Variants in ACVR1 observed in about 807,000 individuals in gnomAD.
ACVR1 encodes the protein activin receptor type-1.
A neutral mutation model predicts 57.1 loss-of-function variants in ACVR1; 38 were observed. That is an observed-to-expected ratio of 0.67 (90% CI 0.51 to 0.87). ACVR1 has a LOEUF of 0.87. Ranked by LOEUF, ACVR1 falls within the 40% of genes least tolerant of loss-of-function variation. The pLI, the probability that ACVR1 is intolerant of heterozygous loss-of-function variation, is 0.00. For missense variants in ACVR1, 463 were observed against 638.2 expected (o/e 0.73, Z 2.96); for synonymous variants, 212 against 228.1 (o/e 0.93, Z 0.63).
At chr2:157,852,217 G>A (rs1689339261) in intron 1 of ACVR1, among the ~76,000 whole-genome samples, 1 of 151,952 alleles carries the variant, frequency 6.6e-6, no homozygotes, top group Admixed American at 6.6e-5. Flanking sequence ...TAAAGAATAG[G>A]CCAGGTGCAG....
At chr2:157,777,093 A>T (rs1191345309) in intron 5 of ACVR1, among the ~76,000 whole-genome samples, 1 of 152,210 alleles carries the variant, frequency 6.6e-6, no homozygotes, top group African/African-American at 2.4e-5. Context: ...GCACTTTATG[A>T]TAACCTTCTA....
chr2:157,752,832 A>G (rs1394491531), intron 9 of ACVR1, among the ~76,000 whole-genome samples: 4 of 152,240 alleles, frequency 2.6e-5, no homozygotes, highest in African/African-American at 9.6e-5. Context: ...AAACATATCA[A>G]AACGGAACCT....
chr2:157,784,808 C>T (rs1427510327), intron 3 of ACVR1, among the ~76,000 whole-genome samples: 1 of 152,252 alleles, frequency 6.6e-6, no homozygotes, highest in Admixed American at 6.5e-5. Flanking sequence ...CAGTTCACCA[C>T]CTGGGCACAC....
intron 1 of ACVR1, among the ~76,000 whole-genome samples, chr2:157,835,614 G>A (rs1688755713): frequency 6.6e-6 from 1 of 152,148 alleles, no homozygotes; most frequent in Non-Finnish European, 1.5e-5. Context: ...ACACATGGGA[G>A]AGTATTGTGC....
chr2:157,783,922 C>T (rs1686617727), intron 3 of ACVR1, among the ~76,000 whole-genome samples: 1 of 152,196 alleles, frequency 6.6e-6, no homozygotes. Context: ...CACAGGTGCA[C>T]ACACATGCAT....
intron 1 of ACVR1, among the ~76,000 whole-genome samples, chr2:157,836,192 A>G (rs538757857): frequency 3.3e-4 from 51 of 152,244 alleles, no homozygotes; most frequent in African/African-American, 1.2e-3. Flanking sequence ...TTTGCTGTGT[A>G]AATTAAAACT....
chr2:157,839,715 A>G (rs111829691), intron 1 of ACVR1, among the ~76,000 whole-genome samples: 51 of 152,180 alleles, frequency 3.4e-4, no homozygotes, highest in Non-Finnish European at 6.0e-4. Flanking sequence ...GGCATCAGGA[A>G]AATCACTGGC....
chr2:157,818,774 T>A (rs763742750), intron 1 of ACVR1, among the ~76,000 whole-genome samples: 65 of 152,208 alleles, frequency 4.3e-4, no homozygotes, highest in Non-Finnish European at 9.4e-4. Context: ...AATATTTTTC[T>A]AAACACAAAA....
chr2:157,770,986 TC>T (rs1378173374), intron 6 of ACVR1, among the ~76,000 whole-genome samples: 1 of 152,204 alleles, frequency 6.6e-6, no homozygotes, highest in Non-Finnish European at 1.5e-5. Context: ...ATAGGCACTG[TC>T]CAAATTGGTG....
chr2:157,799,324 AAG>A (rs1364677441), intron 3 of ACVR1, 101 bp downstream of exon 3: 2 of 756,808 alleles, frequency 2.6e-6, no homozygotes, highest in African/African-American at 3.5e-5. Flanking sequence ...TTATTATAAA[AAG>A]AGTGTTTTAA....
At chr2:157,845,051 G>GAA (rs778522944) in intron 1 of ACVR1, among the ~76,000 whole-genome samples, 4 of 152,170 alleles carry the variant, frequency 2.6e-5, no homozygotes, top group Non-Finnish European at 4.4e-5. Context: ...AATGGACTAA[G>GAA]ACAAGGACTT....
At chr2:157,780,741 C>A (rs1396015478) in intron 3 of ACVR1, 141 bp from the exon 4 acceptor site, 14 of 973,386 alleles carry the variant, frequency 1.4e-5, no homozygotes, top group Non-Finnish European at 2.1e-5. Context: ...CCATGAGGTC[C>A]ACATTCTGTC....
intron 6 of ACVR1, among the ~76,000 whole-genome samples, chr2:157,772,629 T>C (rs1049457240): frequency 1.4e-4 from 22 of 152,318 alleles, no homozygotes; most frequent in Middle Eastern, 3.4e-3. Context: ...ATAGCTTGCA[T>C]GGAATAGTAG....
intron 9 of ACVR1, among the ~76,000 whole-genome samples, chr2:157,759,696 C>A (rs1399145284): frequency 6.6e-6 from 1 of 151,950 alleles, no homozygotes; most frequent in Non-Finnish European, 1.5e-5. Flanking sequence ...ATCTTAAACA[C>A]AATACAAGCA....
intron 9 of ACVR1, among the ~76,000 whole-genome samples, chr2:157,746,342 C>T (rs1006764289): frequency 5.9e-5 from 9 of 152,086 alleles, no homozygotes; most frequent in Non-Finnish European, 1.2e-4. Flanking sequence ...TTTTAAATAA[C>T]GAAACTGATG....
chr2:157,740,347 G>A (rs908530295), intron 9 of ACVR1, among the ~76,000 whole-genome samples: 2 of 152,080 alleles, frequency 1.3e-5, no homozygotes, highest in Admixed American at 6.6e-5. Context: ...CCTCATCTTA[G>A]AGGCCCTTCT....
intron 3 of ACVR1, among the ~76,000 whole-genome samples, chr2:157,792,943 A>C (rs1027212351): frequency 6.6e-6 from 1 of 152,210 alleles, no homozygotes; most frequent in Non-Finnish European, 1.5e-5. Flanking sequence ...TTAGGAATAA[A>C]CATTCTGTAT....
chr2:157,763,906 T>C (rs1363066421), intron 8 of ACVR1, among the ~76,000 whole-genome samples: 1 of 152,164 alleles, frequency 6.6e-6, no homozygotes, highest in African/African-American at 2.4e-5. Flanking sequence ...CAAACCCATA[T>C]ATCTAATTGG....
intron 1 of ACVR1, among the ~76,000 whole-genome samples, chr2:157,866,655 T>C (rs572911740): frequency 2.0e-5 from 3 of 152,274 alleles, no homozygotes; most frequent in Admixed American, 6.5e-5. Flanking sequence ...CTCAGTGAAA[T>C]AGGCACAGAC....
Sources: allele counts gnomAD v4.1 joint callset (sites outside exome capture counted in the v4.1 genomes callset), GRCh38; gene constraint gnomAD v4.1.1; transcripts MANE v1.5; gene names NCBI Gene and HGNC (gene_info 2026-07-23, HGNC 2026-07-21).